The following ZBTB16 variants were observed in gnomAD, a reference collection of about 807,000 sequenced individuals.
ZBTB16 encodes the protein zinc finger and BTB domain-containing protein 16.
Under a neutral mutation model 56.8 loss-of-function variants are expected in ZBTB16, and 8 were observed. The observed-to-expected ratio is 0.14, with a 90% CI of 0.08 to 0.25. The LOEUF (loss-of-function observed/expected upper bound fraction) is 0.25, where lower values mean the gene tolerates loss of function less well. ZBTB16 is among the 10% of genes least tolerant of loss of function. The pLI is 1.00. For missense variants in ZBTB16, 625 were observed against 903.0 expected (o/e 0.69, Z 3.95); for synonymous variants, 363 against 368.5 (o/e 0.98, Z 0.17).
intron 4 of ZBTB16, among the ~76,000 whole-genome samples, chr11:114,236,589 G>A (rs545050417): frequency 1.3e-5 from 2 of 152,314 alleles, no homozygotes; most frequent in Non-Finnish European, 2.9e-5. Flanking sequence ...TCCAAGGAGA[G>A]TCTTGTTGGA....
intron 3 of ZBTB16, among the ~76,000 whole-genome samples, chr11:114,175,666 G>A (rs61904661): frequency 0.026 from 3,941 of 152,204 alleles, 83 homozygotes; most frequent in Non-Finnish European, 0.039. Flanking sequence ...TCTCAGCATT[G>A]TGAGAGGACT....
chr11:114,249,750 C>T (rs1377110232), intron 6 of ZBTB16, among the ~76,000 whole-genome samples: 20 of 112,774 alleles, frequency 1.8e-4, no homozygotes, highest in Admixed American at 3.7e-4. Context: ...CTGGCCTGGG[C>T]GACACAGCGA....
At chr11:114,069,261 A>G (rs886478050) in intron 2 of ZBTB16, among the ~76,000 whole-genome samples, 10 of 151,608 alleles carry the variant, frequency 6.6e-5, no homozygotes, top group African/African-American at 2.4e-4. Flanking sequence ...AATTTTTTGT[A>G]TTTTTAGTAG....
intron 2 of ZBTB16, among the ~76,000 whole-genome samples, chr11:114,085,710 G>T (rs1939935478): frequency 6.6e-6 from 1 of 152,114 alleles, no homozygotes; most frequent in Non-Finnish European, 1.5e-5. Context: ...GGAGGTAGGA[G>T]ATGAGCTAAT....
intron 3 of ZBTB16, among the ~76,000 whole-genome samples, chr11:114,184,540 G>A (rs952036690): frequency 3.3e-5 from 5 of 152,274 alleles, no homozygotes; most frequent in African/African-American, 1.2e-4. Context: ...CGAAGGGTAC[G>A]GGGATTACTC....
chr11:114,244,128 C>T (rs1944769195), intron 5 of ZBTB16, among the ~76,000 whole-genome samples: 1 of 152,210 alleles, frequency 6.6e-6, no homozygotes, highest in Admixed American at 6.5e-5. Context: ...GGCCCATTTG[C>T]TGCTGGGGCC....
chr11:114,216,065 C>T (rs1314451120), intron 4 of ZBTB16, among the ~76,000 whole-genome samples: 5 of 152,186 alleles, frequency 3.3e-5, no homozygotes, highest in South Asian at 2.1e-4. Context: ...CCACCTCTCC[C>T]GCTTATCTTG....
intron 3 of ZBTB16, among the ~76,000 whole-genome samples, chr11:114,183,122 T>C (rs1203971278): frequency 6.6e-6 from 1 of 152,132 alleles, no homozygotes; most frequent in Non-Finnish European, 1.5e-5. Flanking sequence ...TCAGAGCCTG[T>C]CCGGGTGGGC....
rs78253530 is a variant in ZBTB16 at position 114,137,973 on chromosome 11, C to T, written c.1269-18364C>T. ...GCTCAGGCAGGTGTTGCTGTGCTGG[C>T]AGCTTCTTAGGAAGGCAAGGAGCAA... On this transcript the variant is annotated intron_variant, in intron 2 of 6. Coordinates refer to ENST00000335953, the MANE Select transcript of ZBTB16 (RefSeq NM_006006.6). Among the ~76,000 whole-genome samples, 635 of 152,316 alleles carry T rather than the reference C, an allele frequency of 4.2e-3. 3 individuals are homozygous for T. Among genetic ancestry groups the T allele is most frequent in the Non-Finnish European group, 7.2e-3 (488 of 68,022 alleles).
At chr11:114,169,124 C>T (rs1942882283) in intron 3 of ZBTB16, among the ~76,000 whole-genome samples, 5 of 152,160 alleles carry the variant, frequency 3.3e-5, no homozygotes, top group Admixed American at 2.6e-4. Context: ...TGTGGTCCCT[C>T]CTGCATGGCG....
intron 2 of ZBTB16, among the ~76,000 whole-genome samples, chr11:114,130,101 T>TA: frequency 6.6e-6 from 1 of 152,316 alleles, no homozygotes; most frequent in South Asian, 2.1e-4. Context: ...TTCTTTCACT[T>TA]ACGAAAAGTT....
At chr11:114,147,652 CCTTTTCTAAAAGCACAA>C (rs1487696640) in intron 2 of ZBTB16, among the ~76,000 whole-genome samples, 1 of 152,054 alleles carries the variant, frequency 6.6e-6, no homozygotes, top group Non-Finnish European at 1.5e-5. Flanking sequence ...TTTTCCTTTT[CCTTTTCTAAAAGCACAA>C]CTTTTCTGGT....
intron 3 of ZBTB16, among the ~76,000 whole-genome samples, chr11:114,157,291 A>G (rs1401405439): frequency 6.6e-6 from 1 of 152,200 alleles, no homozygotes; most frequent in Non-Finnish European, 1.5e-5. Flanking sequence ...AGGCAGAGAA[A>G]GGTTCAAATC....
chr11:114,096,204 C>T (rs969633735), intron 2 of ZBTB16, among the ~76,000 whole-genome samples: 5 of 152,160 alleles, frequency 3.3e-5, no homozygotes, highest in South Asian at 2.1e-4. Context: ...TTTCCCTTGT[C>T]GCTCGTTTTT....
In ZBTB16 at chr11:114,221,508, C is replaced by T. The variant is rs543396503; in HGVS notation, c.1454-20659C>T. On this transcript the variant is annotated intron_variant, in intron 4 of 6. Coordinates refer to ENST00000335953, the MANE Select transcript of ZBTB16 (RefSeq NM_006006.6). ...ACTGAAGACACCTTAGGCCTGGAAGCATTTCAGTTAGAGAATGTTTCAGGG... is the reference window on the plus strand; with the variant it reads ...ACTGAAGACACCTTAGGCCTGGAAGTATTTCAGTTAGAGAATGTTTCAGGG... Among the ~76,000 whole-genome samples the T allele has an allele frequency of 4.6e-4, 70 of 152,202 alleles. 1 individual carries two copies. The highest frequency in any genetic ancestry group is 8.2e-4 in the Non-Finnish European group (56 of 68,032).
At chr11:114,095,090 C>T (rs1280829992) in intron 2 of ZBTB16, among the ~76,000 whole-genome samples, 3 of 152,112 alleles carry the variant, frequency 2.0e-5, no homozygotes, top group Non-Finnish European at 4.4e-5. Flanking sequence ...CTCTTGTGAC[C>T]AAGGCCAAGA....
At chr11:114,111,215 A>G (rs1035846928) in intron 2 of ZBTB16, among the ~76,000 whole-genome samples, 3 of 151,836 alleles carry the variant, frequency 2.0e-5, no homozygotes, top group East Asian at 3.9e-4. Flanking sequence ...ATCAAGAAAA[A>G]TTTTAATGAC....
intron 3 of ZBTB16, 83 bp from the exon 4 acceptor site, chr11:114,186,869 C>G: frequency 7.4e-7 from 1 of 1,356,684 alleles, no homozygotes; most frequent in Non-Finnish European, 1.1e-6. Context: ...TCCCTAGTGT[C>G]TACCTGCACA....
chr11:114,066,256 C>T (rs190166540), intron 2 of ZBTB16, among the ~76,000 whole-genome samples: 1 of 152,268 alleles, frequency 6.6e-6, no homozygotes, highest in East Asian at 1.9e-4. Context: ...CCTGCCTCCT[C>T]GACAGCTCAG....
Sources: allele counts gnomAD v4.1 joint callset (sites outside exome capture counted in the v4.1 genomes callset), GRCh38; gene constraint gnomAD v4.1.1; transcripts MANE v1.5; gene names NCBI Gene and HGNC (gene_info 2026-07-23, HGNC 2026-07-21).